Variants in NDST3 observed in about 807,000 individuals in gnomAD.
NDST3 encodes N-deacetylase and N-sulfotransferase 3.
NDST3 carries 58 observed loss-of-function variants against 96.1 expected under a neutral mutation model. That is an observed-to-expected ratio of 0.60 (90% CI 0.49 to 0.75). The LOEUF (loss-of-function observed/expected upper bound fraction) is 0.75, where lower values mean the gene tolerates loss of function less well. Ranked by LOEUF, NDST3 falls within the 30% of genes least tolerant of loss-of-function variation. The pLI is 0.00. For missense variants in NDST3, 788 were observed against 1,034.2 expected (o/e 0.76, Z 3.27); for synonymous variants, 333 against 359.7 (o/e 0.93, Z 0.84).
Position 118,035,183 on chromosome 4 carries a change from C to G in NDST3, c.-156+591C>G, listed in dbSNP as rs113765908. On this transcript the variant is annotated intron_variant, in intron 1 of 13. Transcript: ENST00000296499. ...AAGTTACATCTTTAAGGGGTTTACT[C>G]AGATCCTTTTTCAAATAGTTTTTCT... 6.6e-5 allele frequency among the ~76,000 whole-genome samples: 10 copies of G among 152,192 alleles called. 1 individual carries two copies. The highest frequency in any genetic ancestry group is 2.2e-4 in the African/African-American group (9 of 41,532).
At chr4:118,039,441 C>A (rs1297415676) in intron 1 of NDST3, among the ~76,000 whole-genome samples, 1 of 152,122 alleles carries the variant, frequency 6.6e-6, no homozygotes, top group East Asian at 1.9e-4. Context: ...ATTCAATGGG[C>A]TATTCTCACT....
At chr4:118,186,746 T>C (rs1164065239) in intron 6 of NDST3, among the ~76,000 whole-genome samples, 1 of 152,220 alleles carries the variant, frequency 6.6e-6, no homozygotes, top group Non-Finnish European at 1.5e-5. Context: ...GTATTAACCA[T>C]CACATTCTCA....
At chr4:118,157,644 G>A (rs1382969081) in intron 6 of NDST3, among the ~76,000 whole-genome samples, 1 of 151,940 alleles carries the variant, frequency 6.6e-6, no homozygotes, top group Admixed American at 6.6e-5. Context: ...GGATGGTCTC[G>A]ATCTCCTGAC....
chr4:118,153,239 T>C (rs551181436), intron 6 of NDST3, among the ~76,000 whole-genome samples: 66 of 152,274 alleles, frequency 4.3e-4, no homozygotes, highest in Non-Finnish European at 8.4e-4. Context: ...GACCAGCTAA[T>C]TTTATCATTT....
intron 1 of NDST3, among the ~76,000 whole-genome samples, chr4:118,043,559 G>A (rs114463487): frequency 0.017 from 2,541 of 152,332 alleles, 36 homozygotes; most frequent in Non-Finnish European, 0.023. Flanking sequence ...ATTGTGGCGA[G>A]GAGCTTAATT....
intron 6 of NDST3, among the ~76,000 whole-genome samples, chr4:118,187,407 A>C (rs937741569): frequency 1.3e-5 from 2 of 152,246 alleles, no homozygotes; most frequent in East Asian, 3.9e-4. Context: ...ATATCCATCC[A>C]AAAGAGAGAA....
At chr4:118,057,958 G>A (rs954365264) in intron 2 of NDST3, among the ~76,000 whole-genome samples, 4 of 151,708 alleles carry the variant, frequency 2.6e-5, no homozygotes, top group African/African-American at 7.3e-5. Context: ...AGTTAGATAG[G>A]GTGACCTAAC....
intron 12 of NDST3, among the ~76,000 whole-genome samples, chr4:118,252,375 C>T (rs1028455018): frequency 2.8e-4 from 43 of 152,162 alleles, no homozygotes; most frequent in African/African-American, 9.4e-4. Context: ...TAAACCTTGA[C>T]AAACATTTTC....
chr4:118,119,969 A>C (rs1731420806), intron 4 of NDST3, among the ~76,000 whole-genome samples: 1 of 152,148 alleles, frequency 6.6e-6, no homozygotes, highest in Admixed American at 6.5e-5. Context: ...AGTCAGTCTT[A>C]AGATTTAGAA....
intron 6 of NDST3, among the ~76,000 whole-genome samples, chr4:118,207,371 A>G (rs1738503357): frequency 6.9e-6 from 1 of 145,006 alleles, no homozygotes; most frequent in African/African-American, 2.5e-5. Flanking sequence ...CCTAGTATTG[A>G]ATAGTATTAT....
rs1247848477 is a variant in NDST3, at chr4:118,053,944, C to G, written c.34C>G (p.Gln12Glu). The change falls in exon 2 of 14, where the codon CAA (glutamine) becomes GAA (glutamate). Residue 12 changes from glutamine (Q) to glutamate (E), a missense_variant. Transcript: ENST00000296499. ...TATCATGAAGCTTCACAGACACTTTCAAAGAACAGTCATTCTGCTTGCCAC... is the reference window on the plus strand; with the variant it reads ...TATCATGAAGCTTCACAGACACTTTGAAAGAACAGTCATTCTGCTTGCCAC... ...SFIMKLHRHF[Q>E]RTVILLATFC... 1.2e-6 allele frequency: 2 copies of G among 1,609,626 alleles called. No homozygotes were observed. Among genetic ancestry groups the G allele is most frequent in the African/African-American group, 2.7e-5 (2 of 74,704 alleles).
chr4:118,150,501 A>G (rs1344258112), intron 6 of NDST3, among the ~76,000 whole-genome samples: 1 of 151,904 alleles, frequency 6.6e-6, no homozygotes, highest in Non-Finnish European at 1.5e-5. Flanking sequence ...ACAAAGGGCT[A>G]ATATCCAGAA....
chr4:118,126,161 T>C (rs1339855249), intron 4 of NDST3, among the ~76,000 whole-genome samples: 2 of 152,042 alleles, frequency 1.3e-5, no homozygotes, highest in Non-Finnish European at 2.9e-5. Flanking sequence ...CAAATAATTA[T>C]ATAATTTTGA....
chr4:118,201,955 T>C (rs1398124679), intron 6 of NDST3, among the ~76,000 whole-genome samples: 1 of 152,158 alleles, frequency 6.6e-6, no homozygotes, highest in Non-Finnish European at 1.5e-5. Context: ...TTTGAGTTAA[T>C]TTTTGTATAT....
chr4:118,033,747 C>T (rs905649554), upstream of NDST3: 4 of 152,358 alleles, frequency 2.6e-5, no homozygotes, highest in Non-Finnish European at 5.9e-5. Flanking sequence ...CCAGCTGTGT[C>T]CGCGCAGATC....
chr4:118,152,015 T>C (rs1199263783), intron 6 of NDST3, among the ~76,000 whole-genome samples: 1 of 152,238 alleles, frequency 6.6e-6, no homozygotes, highest in Non-Finnish European at 1.5e-5. Flanking sequence ...ACTATCCCAG[T>C]GTCTAAACAT....
At chr4:118,225,058 A>C (rs1226117046) in intron 7 of NDST3, among the ~76,000 whole-genome samples, 1 of 152,204 alleles carries the variant, frequency 6.6e-6, no homozygotes, top group African/African-American at 2.4e-5. Flanking sequence ...ACCATATTAA[A>C]GGATCTCTGA....
chr4:118,107,071 CAGAGCG>C (rs1156869002), intron 3 of NDST3, among the ~76,000 whole-genome samples: 1 of 152,048 alleles, frequency 6.6e-6, no homozygotes, highest in Non-Finnish European at 1.5e-5. Flanking sequence ...GCCTGGGCTA[CAGAGCG>C]AGACTCCATC....
At position 118,258,508 on chromosome 4, in the gene NDST3, T is replaced by G. The variant is rs1448010248; in HGVS notation, c.*2796T>G. 2 of 152,214 alleles carry G rather than the reference T, an allele frequency of 1.3e-5. No individual in the cohort carries two copies. The highest frequency in any genetic ancestry group is 2.9e-5 in the Non-Finnish European group (2 of 68,030). The allele number at this position is 152,214 out of a possible 1,614,324, so 9.4% of individuals were successfully genotyped here. A position where few individuals can be genotyped will look rare whatever the true frequency, so the allele number is the denominator to read the frequency against. On this transcript the variant is annotated 3_prime_UTR_variant, in exon 14 of 14. Coordinates refer to ENST00000296499, the MANE Select transcript of NDST3 (RefSeq NM_004784.3). The stretch of plus-strand genomic sequence containing the variant: ...GTTTATAGCTGTAATATTCTTGTCA[T>G]TCACATTGAATGAAAATTACTGGAA...
Sources: gnomAD v4.1 joint callset for allele counts (sites outside exome capture counted in the v4.1 genomes callset) on GRCh38, gnomAD v4.1.1 for gene constraint, MANE v1.5 for transcripts, NCBI Gene and HGNC (gene_info 2026-07-23, HGNC 2026-07-21) for gene names.